Variants in TCF7L1 observed in about 807,000 individuals in gnomAD.
The protein encoded by TCF7L1 is transcription factor 7 like 1.
In TCF7L1, 18 loss-of-function variants were observed where a neutral mutation model predicts 63.7. The observed-to-expected ratio is 0.28, with a 90% CI of 0.20 to 0.42. The LOEUF is 0.42. TCF7L1 is among the 10% of genes least tolerant of loss of function. The probability of loss-of-function intolerance (pLI) is 1.00; values close to 1 mark genes in which losing one functional copy is unlikely to be tolerated. For synonymous variants in TCF7L1, 355 were observed against 340.9 expected, an observed-to-expected ratio of 1.04 and a Z score of -0.46; for missense variants, 654 against 779.3, an observed-to-expected ratio of 0.84 and a Z score of 1.91.
chr2:85,227,222 A>G (rs2104307587), intron 3 of TCF7L1, among the ~76,000 whole-genome samples: 1 of 152,120 alleles, frequency 6.6e-6, no homozygotes, highest in South Asian at 2.1e-4. Flanking sequence ...ACCCCTTTGC[A>G]CTTAGCTCCG....
At chr2:85,247,791 C>G (rs1029612937) in intron 3 of TCF7L1, among the ~76,000 whole-genome samples, 3 of 152,188 alleles carry the variant, frequency 2.0e-5, no homozygotes, top group Non-Finnish European at 4.4e-5. Flanking sequence ...TGCCTGCATA[C>G]TTATATACCA....
intron 4 of TCF7L1, among the ~76,000 whole-genome samples, chr2:85,286,303 T>C (rs1167407408): frequency 1.3e-5 from 2 of 150,702 alleles, no homozygotes; most frequent in Non-Finnish European, 3.0e-5. Context: ...TGCAGTGAGC[T>C]GAGATTGCAC....
intron 3 of TCF7L1, among the ~76,000 whole-genome samples, chr2:85,254,849 C>T (rs1320450136): frequency 2.0e-5 from 3 of 152,138 alleles, no homozygotes; most frequent in Non-Finnish European, 4.4e-5. Context: ...GGGGAAAACA[C>T]GAGTGGAAGC....
intron 4 of TCF7L1, among the ~76,000 whole-genome samples, chr2:85,293,061 TGTCC>T (rs929925859): frequency 4.4e-4 from 67 of 152,366 alleles, no homozygotes; most frequent in African/African-American, 1.6e-3. Context: ...ATCCAGGTCA[TGTCC>T]TTCTCATGGC....
rs2104395259 is a variant in TCF7L1, at chr2:85,310,000, C to T, written c.*538C>T. 1 of 153,136 alleles carries T rather than the reference C, an allele frequency of 6.5e-6. No homozygotes were observed. The highest frequency in any genetic ancestry group is 2.4e-5 in the African/African-American group (1 of 41,582). 9.5% of individuals were successfully genotyped at this position (153,136 alleles called of 1,614,324 possible). On this transcript the variant is annotated 3_prime_UTR_variant, in exon 12 of 12. Transcript: ENST00000282111. The stretch of plus-strand genomic sequence containing the variant: ...TTGCTGCCACCAGCGTCCCCTCCCT[C>T]AGTGGGCCCGAACTCGCCAGCCCCA...
intron 3 of TCF7L1, among the ~76,000 whole-genome samples, chr2:85,240,334 G>A (rs1680294663): frequency 6.6e-6 from 1 of 152,240 alleles, no homozygotes; most frequent in Non-Finnish European, 1.5e-5. Flanking sequence ...TGGAGATGAA[G>A]GATGTTTTAA....
intron 3 of TCF7L1, among the ~76,000 whole-genome samples, chr2:85,195,743 C>T (rs1268618123): frequency 6.6e-6 from 1 of 151,992 alleles, no homozygotes; most frequent in African/African-American, 2.4e-5. Context: ...GATGGGGTCT[C>T]GCCATGTTGC....
rs191297678 is a variant in TCF7L1 at position 85,175,846 on chromosome 2, G to A, written c.441+41396G>A. Among the ~76,000 whole-genome samples the A allele has an allele frequency of 2.2e-4, 34 of 152,288 alleles. 1 individual carries two copies. The highest frequency in any genetic ancestry group is 8.2e-4 in the African/African-American group (34 of 41,562). ...GACTCTCTCAATGCTGGCCCTCTGC[G>A]GTTCATGGCTCTCCTCCCTTTCTCG... is the stretch of plus-strand genomic sequence containing the variant. On this transcript the variant is annotated intron_variant, in intron 3 of 11. Coordinates refer to ENST00000282111, the MANE Select transcript of TCF7L1 (RefSeq NM_031283.3).
chr2:85,192,227 A>G (rs1679049638), intron 3 of TCF7L1, among the ~76,000 whole-genome samples: 1 of 152,092 alleles, frequency 6.6e-6, no homozygotes, highest in Admixed American at 6.6e-5. Context: ...TATCCTCCTC[A>G]TTTCTAATCC....
In TCF7L1 at chr2:85,133,591, C is replaced by CCCGCAA; in HGVS notation, c.-93_-88dup. On this transcript the variant is annotated 5_prime_UTR_variant, in exon 1 of 12. Transcript: ENST00000282111. This position sits in a 1 kb window ranked among gnomAD's most constrained non-coding sequence, Gnocchi z 4.4. ...TTGTTGCGGCGGCTAGCGCAGCGGG[C>CCCGCAA]CCGCAAGCGGGCGGGAGGGGCGCCG... 2.8e-6 allele frequency: 1 copy of CCCGCAA among 361,288 alleles called. No individual in the cohort carries two copies. Among genetic ancestry groups the CCCGCAA allele is most frequent in the Non-Finnish European group, 3.8e-6 (1 of 261,692 alleles). The allele number at this position is 361,288 out of a possible 1,614,324, so 22.4% of individuals were successfully genotyped here. A position where few individuals can be genotyped will look rare whatever the true frequency, so the allele number is the denominator to read the frequency against.
chr2:85,274,564 C>T (rs141882563), intron 3 of TCF7L1, among the ~76,000 whole-genome samples: 96 of 152,316 alleles, frequency 6.3e-4, no homozygotes, highest in African/African-American at 2.1e-3. Flanking sequence ...CCCCTCCAAC[C>T]CAGCTCTTGC....
chr2:85,135,935 G>C (rs200804512), intron 3 of TCF7L1, among the ~76,000 whole-genome samples: 7,903 of 150,518 alleles, frequency 0.053, 309 homozygotes, highest in Admixed American at 0.11. Context: ...AATCAAAGGG[G>C]GGGGGGGATC....
At chr2:85,195,256 A>G (rs1159496002) in intron 3 of TCF7L1, among the ~76,000 whole-genome samples, 3 of 152,260 alleles carry the variant, frequency 2.0e-5, no homozygotes, top group Admixed American at 2.0e-4. Context: ...TGGTAGGTGA[A>G]AAGAACCAGC....
At chr2:85,163,482 C>T (rs1016200847) in intron 3 of TCF7L1, among the ~76,000 whole-genome samples, 27 of 152,074 alleles carry the variant, frequency 1.8e-4, no homozygotes, top group African/African-American at 6.3e-4. Context: ...AAGCAGACTC[C>T]GAACAGAATC....
intron 4 of TCF7L1, among the ~76,000 whole-genome samples, chr2:85,286,098 G>A (rs1188921125): frequency 2.6e-5 from 4 of 151,702 alleles, no homozygotes; most frequent in Non-Finnish European, 5.9e-5. Flanking sequence ...GGCTGAGGCA[G>A]GAGAATCGCC....
chr2:85,219,322 T>C (rs1679790570), intron 3 of TCF7L1, among the ~76,000 whole-genome samples: 1 of 152,136 alleles, frequency 6.6e-6, no homozygotes, highest in South Asian at 2.1e-4. Flanking sequence ...GCGTATTATA[T>C]TGAGGAATGA....
Position 85,133,907 on chromosome 2 carries a change from A to C in TCF7L1, c.223A>C (p.Asn75His), listed in dbSNP as rs1419130736. The C allele has an allele frequency of 6.6e-7, 1 of 1,525,744 alleles. No individual in the cohort carries two copies. The highest frequency in any genetic ancestry group is 8.8e-7 in the Non-Finnish European group (1 of 1,133,188). 94.5% of individuals were successfully genotyped at this position (1,525,744 alleles called of 1,614,324 possible). A position where few individuals can be genotyped will look rare whatever the true frequency, so the allele number is the denominator to read the frequency against. Residue 75 changes from asparagine (N) to histidine (H), a missense_variant, in exon 1 of 12, where the codon AAC becomes CAC. Transcript: ENST00000282111. The surrounding 1 kb of genome is among the most constrained non-coding windows in gnomAD (Gnocchi z 4.4). ...VKSSLVNESE[N>H]QSSSSDSEAE... ...GTCGTCCCTGGTCAACGAGTCGGAG[A>C]ACCAGAGCAGCAGCTCGGACTCGGA...
At chr2:85,216,182 G>A (rs1679703060) in intron 3 of TCF7L1, among the ~76,000 whole-genome samples, 1 of 152,094 alleles carries the variant, frequency 6.6e-6, no homozygotes, top group Non-Finnish European at 1.5e-5. Context: ...ATTCAAAAGG[G>A]AAGAAAAGGC....
At chr2:85,205,554 A>G (rs1002799102) in intron 3 of TCF7L1, among the ~76,000 whole-genome samples, 74 of 145,920 alleles carry the variant, frequency 5.1e-4, no homozygotes, top group African/African-American at 1.9e-3. Context: ...TTTTTTTTTC[A>G]ATACAGAGTC....
Sources: allele counts gnomAD v4.1 joint callset (sites outside exome capture counted in the v4.1 genomes callset), GRCh38; gene constraint gnomAD v4.1.1; non-coding constraint Gnocchi (gnomAD v3.1); transcripts MANE v1.5; gene names NCBI Gene and HGNC (gene_info 2026-07-23, HGNC 2026-07-21).